Variants in PEBP4 observed in about 807,000 individuals in gnomAD.
PEBP4 encodes phosphatidylethanolamine binding protein 4, also known as phosphatidylethanolamine-binding protein 4.
In PEBP4, 22 loss-of-function variants were observed where a neutral mutation model predicts 23.9. The ratio of observed to expected loss-of-function variants is 0.92; its 90% CI spans 0.66 to 1.31. The LOEUF (loss-of-function observed/expected upper bound fraction) is 1.31. Ranked by LOEUF, PEBP4 falls within the 40% of genes most tolerant of loss-of-function variation. The probability of loss-of-function intolerance (pLI) is 0.00; values close to 1 mark genes in which losing one functional copy is unlikely to be tolerated. For missense variants in PEBP4, 324 were observed against 281.7 expected (o/e 1.15, Z -1.07); for synonymous variants, 112 against 99.3 (o/e 1.13, Z -0.76).
In PEBP4 at chr8:22,853,943, G is replaced by C. The variant is rs151143156; in HGVS notation, c.259-36208C>G. On this transcript the variant is annotated intron_variant, in intron 3 of 6. Transcript: ENST00000256404. ...TTTGATAAACTGGCCACAGATCCTA[G>C]TTAGCAAGAACAACAAACCTCACCA... Among the ~76,000 whole-genome samples the C allele has an allele frequency of 2.1e-3, 313 of 152,284 alleles. 1 individual carries two copies. Among genetic ancestry groups the C allele is most frequent in the African/African-American group, 7.1e-3 (296 of 41,554 alleles).
intron 3 of PEBP4, among the ~76,000 whole-genome samples, chr8:22,855,813 G>A (rs1322108441): frequency 6.6e-6 from 1 of 152,062 alleles, no homozygotes; most frequent in Non-Finnish European, 1.5e-5. Context: ...GGCCAAAGCG[G>A]AAGAATTGCA....
At chr8:22,888,373 C>T (rs561591839) in intron 3 of PEBP4, among the ~76,000 whole-genome samples, 1 of 152,120 alleles carries the variant, frequency 6.6e-6, no homozygotes, top group Non-Finnish European at 1.5e-5. Flanking sequence ...AGGCTGGTCT[C>T]GAACTCCTGA....
intron 4 of PEBP4, among the ~76,000 whole-genome samples, chr8:22,781,352 G>A (rs180930347): frequency 6.6e-6 from 1 of 152,268 alleles, no homozygotes; most frequent in East Asian, 1.9e-4. Flanking sequence ...CCGGGGCTGG[G>A]AGTGGGGAGG....
In PEBP4 at chr8:22,778,841, G is replaced by T. The variant is rs558892713; in HGVS notation, c.357+38796C>A. Among the ~76,000 whole-genome samples, 43 of 152,286 alleles carry T rather than the reference G, an allele frequency of 2.8e-4. 1 individual carries two copies. The highest frequency in any genetic ancestry group is 4.1e-4 in the South Asian group (2 of 4,820). ...GCCATCTGAAGGGGGATTTTTCGGG[G>T]TAAGTAAAGTCTTCAGCCAGTTTTA... On this transcript the variant is annotated intron_variant, in intron 4 of 6. Transcript: ENST00000256404.
intron 3 of PEBP4, among the ~76,000 whole-genome samples, chr8:22,825,790 T>C (rs2128763189): frequency 6.6e-6 from 1 of 152,354 alleles, no homozygotes; most frequent in South Asian, 2.1e-4. Flanking sequence ...AACAGTAGGA[T>C]GTCTATCAAC....
chr8:22,939,999 G>T (rs181913927), intron 1 of PEBP4, among the ~76,000 whole-genome samples: 42 of 152,314 alleles, frequency 2.8e-4, no homozygotes, highest in African/African-American at 9.1e-4. Context: ...GCTCCAGAGG[G>T]GCTATGAAAT....
At chr8:22,799,289 G>A (rs2128758428) in intron 4 of PEBP4, among the ~76,000 whole-genome samples, 1 of 152,314 alleles carries the variant, frequency 6.6e-6, no homozygotes, top group Non-Finnish European at 1.5e-5. Context: ...GTCCAGTGTT[G>A]TTTACTGTTG....
chr8:22,881,775 G>C (rs964289621), intron 3 of PEBP4, among the ~76,000 whole-genome samples: 2 of 152,212 alleles, frequency 1.3e-5, no homozygotes, highest in African/African-American at 2.4e-5. Flanking sequence ...ACAGCAATTA[G>C]GGATGAAACT....
In PEBP4 at chr8:22,927,910, G is replaced by T. The variant is rs1809386564; in HGVS notation, c.-94C>A. 3.3e-6 allele frequency: 2 copies of T among 597,320 alleles called. No homozygotes were observed. The highest frequency in any genetic ancestry group is 5.6e-6 in the Non-Finnish European group (2 of 354,424). 37.0% of individuals were successfully genotyped at this position (597,320 alleles called of 1,614,324 possible). ...CCACCCGGACACAAGTACTTTGGGAGGACTGGGCCTCTTCCAAGTTGGACT... is the reference window on the plus strand; with the variant it reads ...CCACCCGGACACAAGTACTTTGGGATGACTGGGCCTCTTCCAAGTTGGACT... On this transcript the variant is annotated 5_prime_UTR_variant, in exon 1 of 7. Transcript: ENST00000256404.
intron 4 of PEBP4, among the ~76,000 whole-genome samples, chr8:22,760,895 A>G (rs1265396737): frequency 6.6e-6 from 1 of 152,176 alleles, no homozygotes; most frequent in Non-Finnish European, 1.5e-5. Context: ...CGTGTCTCTG[A>G]GCCTTGCTGG....
At chr8:22,728,550 TTC>T (rs1032320764) in intron 4 of PEBP4, among the ~76,000 whole-genome samples, 3 of 86,998 alleles carry the variant, frequency 3.4e-5, no homozygotes, top group Non-Finnish European at 8.2e-5. Context: ...CTTCCTTTCT[TTC>T]TTTCTTTCTT....
Position 22,865,443 on chromosome 8 carries a change from G to T in PEBP4, c.259-47708C>A, listed in dbSNP as rs1286903850. Among the ~76,000 whole-genome samples, 1 of 151,968 alleles carries T rather than the reference G, an allele frequency of 6.6e-6. No individual in the cohort carries two copies. Among genetic ancestry groups the T allele is most frequent in the Non-Finnish European group, 1.5e-5 (1 of 67,944 alleles). ...CCTGCGCCTCCAGGGCGTTGGGCGGGGGCCGCACTTTCCCCGCCGCGAGGT... is the reference window on the plus strand; with the variant it reads ...CCTGCGCCTCCAGGGCGTTGGGCGGTGGCCGCACTTTCCCCGCCGCGAGGT... On this transcript the variant is annotated intron_variant, in intron 3 of 6. Coordinates refer to ENST00000256404, the MANE Select transcript of PEBP4 (RefSeq NM_144962.3). This position sits in a 1 kb window ranked among gnomAD's most constrained non-coding sequence, Gnocchi z 6.9.
intron 4 of PEBP4, chr8:22,815,123 T>C (rs918281450): frequency 1.3e-5 from 2 of 152,226 alleles, no homozygotes; most frequent in African/African-American, 4.8e-5. Flanking sequence ...TCCCCATCTA[T>C]AAAATGAGGA....
intron 3 of PEBP4, 44 bp from the exon 4 acceptor site, chr8:22,817,779 A>G: frequency 6.4e-7 from 1 of 1,565,646 alleles, no homozygotes; most frequent in Non-Finnish European, 8.8e-7. Flanking sequence ...CATGGCTGAA[A>G]TAGGAAAATA....
chr8:22,908,394 A>AAAC (rs1491429228), intron 3 of PEBP4, among the ~76,000 whole-genome samples: 9 of 93,516 alleles, frequency 9.6e-5, no homozygotes, highest in East Asian at 3.5e-4. Context: ...ACAAACAAAC[A>AAAC]AAAAAAAAAA....
chr8:22,811,769 G>A (rs1169070064), intron 4 of PEBP4, among the ~76,000 whole-genome samples: 1 of 152,228 alleles, frequency 6.6e-6, no homozygotes, highest in Non-Finnish European at 1.5e-5. Flanking sequence ...AGCCAGCTGG[G>A]GTCACGTTAG....
At chr8:22,811,170 A>T (rs1195383780) in intron 4 of PEBP4, among the ~76,000 whole-genome samples, 1 of 152,138 alleles carries the variant, frequency 6.6e-6, no homozygotes, top group East Asian at 1.9e-4. Flanking sequence ...TCACTGCATT[A>T]TCCCTTGAAT....
intron 3 of PEBP4, among the ~76,000 whole-genome samples, chr8:22,832,400 C>T (rs757675311): frequency 6.6e-6 from 1 of 152,208 alleles, no homozygotes; most frequent in Non-Finnish European, 1.5e-5. Context: ...AACTACAAAG[C>T]AGCAAGCAGG....
chr8:22,929,995 G>A (rs991949942), upstream of PEBP4, among the ~76,000 whole-genome samples: 4 of 152,154 alleles, frequency 2.6e-5, no homozygotes, highest in East Asian at 1.9e-4. Context: ...GAGCCACCGC[G>A]CCCAGCCCAG....
Sources: allele counts gnomAD v4.1 joint callset (sites outside exome capture counted in the v4.1 genomes callset), GRCh38; gene constraint gnomAD v4.1.1; non-coding constraint Gnocchi (gnomAD v3.1); transcripts MANE v1.5; gene names NCBI Gene and HGNC (gene_info 2026-07-23, HGNC 2026-07-21).